The following TRAK1 variants were observed in gnomAD, a reference collection of about 807,000 sequenced individuals.
The protein encoded by TRAK1 is trafficking kinesin protein 1.
A neutral mutation model predicts 92.1 loss-of-function variants in TRAK1; 33 were observed. The observed-to-expected ratio is 0.36, with a 90% CI of 0.27 to 0.48. TRAK1 has a LOEUF of 0.48. TRAK1 is among the 20% of genes least tolerant of loss of function. TRAK1 has a pLI of 0.99. For synonymous variants in TRAK1, 521 were observed against 517.3 expected (o/e 1.01, Z -0.10); for missense variants, 1,123 against 1,257.9 (o/e 0.89, Z 1.62).
At chr3:42,081,292 CCT>C (rs1353970214) in intron 1 of TRAK1, among the ~76,000 whole-genome samples, 3 of 152,078 alleles carry the variant, frequency 2.0e-5, no homozygotes, top group Admixed American at 6.6e-5. Flanking sequence ...CTTAGGAGTC[CCT>C]CAGGTGGTTT....
chr3:42,214,563 G>A (rs1709446192), intron 14 of TRAK1, among the ~76,000 whole-genome samples: 1 of 152,236 alleles, frequency 6.6e-6, no homozygotes, highest in Non-Finnish European at 1.5e-5. Flanking sequence ...GACCCTCTCT[G>A]CACAATGCTG....
chr3:42,070,279 AATT>A (rs1354250472), intron 1 of TRAK1, among the ~76,000 whole-genome samples: 70 of 147,798 alleles, frequency 4.7e-4, no homozygotes, highest in African/African-American at 1.7e-3. Flanking sequence ...TATGAATAAT[AATT>A]ATAATTATAT....
At chr3:42,194,011 C>A in intron 9 of TRAK1, 113 bp downstream of exon 9, 1 of 1,009,436 alleles carries the variant, frequency 9.9e-7, no homozygotes, top group Non-Finnish European at 1.5e-6. Context: ...TTTTGAATTT[C>A]ATTTCATTTT....
At chr3:42,110,692 A>G (rs1263471689) in intron 1 of TRAK1, among the ~76,000 whole-genome samples, 1 of 152,200 alleles carries the variant, frequency 6.6e-6, no homozygotes, top group East Asian at 1.9e-4. Flanking sequence ...GTAGAGGAGT[A>G]GAAGACAGAA....
At chr3:42,044,053 C>T (rs1267816091) in intron 1 of TRAK1, among the ~76,000 whole-genome samples, 1 of 152,246 alleles carries the variant, frequency 6.6e-6, no homozygotes, top group Non-Finnish European at 1.5e-5. Flanking sequence ...GCCCAAGGCA[C>T]TGGATTGTTT....
At chr3:42,048,644 A>G (rs113408487) in intron 1 of TRAK1, among the ~76,000 whole-genome samples, 8,365 of 150,546 alleles carry the variant, frequency 0.056, 760 homozygotes, top group African/African-American at 0.19. Flanking sequence ...GCTCACTGCA[A>G]CCTCCACCCT....
chr3:42,147,941 C>CTTATATA (rs1699519976), intron 2 of TRAK1, among the ~76,000 whole-genome samples: 2 of 152,030 alleles, frequency 1.3e-5, no homozygotes, highest in Admixed American at 1.3e-4. Context: ...ATCTAAGATT[C>CTTATATA]TCTATATAAG....
At chr3:42,213,721 G>A (rs1709350252) in intron 14 of TRAK1, among the ~76,000 whole-genome samples, 2 of 152,210 alleles carry the variant, frequency 1.3e-5, no homozygotes, top group African/African-American at 2.4e-5. Flanking sequence ...AAGTTGGTTT[G>A]GGGGCTTGAT....
chr3:42,108,146 G>C (rs547337580), intron 1 of TRAK1, among the ~76,000 whole-genome samples: 4 of 152,182 alleles, frequency 2.6e-5, no homozygotes, highest in Non-Finnish European at 5.9e-5. Context: ...AGAAGAGTAT[G>C]GATAGCGGAT....
chr3:42,182,217 C>T (rs2149384469), intron 3 of TRAK1, among the ~76,000 whole-genome samples: 1 of 152,248 alleles, frequency 6.6e-6, no homozygotes, highest in Non-Finnish European at 1.5e-5. Context: ...GCCGTCTCCA[C>T]ATGTACTGTG....
intron 1 of TRAK1, among the ~76,000 whole-genome samples, chr3:42,123,239 A>G (rs1384638566): frequency 6.6e-6 from 1 of 152,184 alleles, no homozygotes; most frequent in Non-Finnish European, 1.5e-5. Context: ...CTTATTTGAC[A>G]CAAAGTCTCT....
intron 1 of TRAK1, among the ~76,000 whole-genome samples, chr3:42,040,877 C>T (rs1702514121): frequency 6.6e-6 from 1 of 152,050 alleles, no homozygotes; most frequent in South Asian, 2.1e-4. Flanking sequence ...CGGGGTTTCA[C>T]CATGTTGGCC....
chr3:42,195,084 A>C, intron 10 of TRAK1, 143 bp downstream of exon 10: 1 of 1,010,262 alleles, frequency 9.9e-7, no homozygotes, highest in South Asian at 1.9e-5. Flanking sequence ...AATCAAGGAC[A>C]CTTGAATCTG....
intron 13 of TRAK1, chr3:42,203,348 G>A: frequency 1.0e-6 from 1 of 987,172 alleles, no homozygotes; most frequent in South Asian, 4.7e-5. Context: ...CCAGGAAGGG[G>A]TGGCTGTGGA....
chr3:42,019,315 G>T (rs1701647575), intron 1 of TRAK1, among the ~76,000 whole-genome samples: 1 of 152,128 alleles, frequency 6.6e-6, no homozygotes, highest in African/African-American at 2.4e-5. Flanking sequence ...AATCTCTGTT[G>T]CCTGGGCTGA....
intron 12 of TRAK1, 90 bp downstream of exon 12, chr3:42,201,144 G>A: frequency 7.2e-7 from 1 of 1,392,398 alleles, no homozygotes; most frequent in Non-Finnish European, 1.0e-6. Flanking sequence ...TTAAGAGGGA[G>A]GTAGATGAGA....
At chr3:42,222,902 T>C (rs2149553520) in intron 15 of TRAK1, 40 bp from the exon 16 acceptor site, 2 of 1,584,386 alleles carry the variant, frequency 1.3e-6, no homozygotes, top group South Asian at 1.2e-5. Flanking sequence ...CTGGAGCTCA[T>C]GGGCATTTCT....
intron 2 of TRAK1, among the ~76,000 whole-genome samples, chr3:42,159,561 T>G (rs1701006999): frequency 6.6e-6 from 1 of 152,232 alleles, no homozygotes; most frequent in East Asian, 1.9e-4. Flanking sequence ...TTTCTTACCT[T>G]GTTCTAGCAA....
intron 2 of TRAK1, among the ~76,000 whole-genome samples, chr3:42,135,726 G>A (rs1373619651): frequency 1.3e-5 from 2 of 152,142 alleles, no homozygotes; most frequent in African/African-American, 4.8e-5. Flanking sequence ...TTTTGTCTTT[G>A]TTTTTAGCTA....
Sources: allele counts gnomAD v4.1 joint callset (sites outside exome capture counted in the v4.1 genomes callset), GRCh38; gene constraint gnomAD v4.1.1; transcripts MANE v1.5; gene names NCBI Gene and HGNC (gene_info 2026-07-23, HGNC 2026-07-21).